Variants in SORT1 observed in about 807,000 individuals in gnomAD.
SORT1 encodes the protein sortilin 1, also known as sortilin.
Under a neutral mutation model 101.7 loss-of-function variants are expected in SORT1, and 39 were observed. The observed-to-expected ratio is 0.38, with a 90% CI of 0.30 to 0.50. The LOEUF (loss-of-function observed/expected upper bound fraction) is 0.50. SORT1 is among the 20% of genes least tolerant of loss of function. The probability of loss-of-function intolerance (pLI) is 0.90; values close to 1 mark genes in which losing one functional copy is unlikely to be tolerated. For synonymous variants in SORT1, 396 were observed against 393.7 expected (o/e 1.01, Z -0.07); for missense variants, 878 against 1,040.4 (o/e 0.84, Z 2.15).
chr1:109,367,357 T>C (rs1323060982), intron 3 of SORT1, 51 bp downstream of exon 3: 1 of 1,021,354 alleles, frequency 9.8e-7, no homozygotes, highest in South Asian at 1.4e-5. Context: ...GGAGAATCTA[T>C]ATTCTCAATG....
chr1:109,366,180 C>T (rs1379191544), intron 3 of SORT1, among the ~76,000 whole-genome samples: 2 of 152,102 alleles, frequency 1.3e-5, no homozygotes, highest in Non-Finnish European at 2.9e-5. Flanking sequence ...ACTTTTTAAC[C>T]AAGTCATACC....
intron 7 of SORT1, among the ~76,000 whole-genome samples, chr1:109,346,314 TAAAA>T (rs56298313): frequency 1.2e-5 from 1 of 86,798 alleles, no homozygotes. Context: ...CTCCGTCTCA[TAAAA>T]AAAAAAAAAA....
intron 12 of SORT1, 26 bp from the exon 13 acceptor site, chr1:109,327,186 A>G: frequency 6.4e-7 from 1 of 1,574,558 alleles, no homozygotes; most frequent in South Asian, 1.1e-5. Context: ...CCATCTCATT[A>G]GCACAAATAG....
intron 1 of SORT1, among the ~76,000 whole-genome samples, chr1:109,375,796 C>A (rs886088610): frequency 3.3e-5 from 5 of 152,062 alleles, no homozygotes; most frequent in African/African-American, 1.2e-4. Flanking sequence ...GCAAGCCAGA[C>A]AGTGGAGTAA....
chr1:109,332,713 A>G (rs945819804), intron 11 of SORT1, among the ~76,000 whole-genome samples: 8 of 152,230 alleles, frequency 5.3e-5, no homozygotes, highest in Admixed American at 5.2e-4. Context: ...ATTTCAAAAT[A>G]TATTATTGAG....
intron 9 of SORT1, 81 bp from the exon 10 acceptor site, chr1:109,340,960 C>A: frequency 9.0e-7 from 1 of 1,111,866 alleles, no homozygotes; most frequent in Non-Finnish European, 1.3e-6. Context: ...CACACGATTA[C>A]CTGCCTGACC....
intron 1 of SORT1, 133 bp downstream of exon 1, chr1:109,397,454 G>A: frequency 1.8e-6 from 1 of 563,210 alleles, no homozygotes; most frequent in Non-Finnish European, 2.3e-6. Flanking sequence ...CCGCAGTTTC[G>A]GGGCTGCGGC....
chr1:109,318,049 G>T, intron 15 of SORT1, 80 bp from the exon 16 acceptor site: 1 of 838,336 alleles, frequency 1.2e-6, no homozygotes, highest in Non-Finnish European at 2.0e-6. Flanking sequence ...GTTATGTGGG[G>T]TAGTGGATGG....
intron 3 of SORT1, 30 bp from the exon 4 acceptor site, chr1:109,355,499 G>T: frequency 1.0e-6 from 1 of 990,010 alleles, no homozygotes; most frequent in East Asian, 2.4e-5. Context: ...GGCAAATTTA[G>T]GGTGCAGTGG....
At chr1:109,373,679 G>A (rs191492928) in intron 1 of SORT1, among the ~76,000 whole-genome samples, 77 of 152,248 alleles carry the variant, frequency 5.1e-4, no homozygotes, top group African/African-American at 1.8e-3. Flanking sequence ...GACCCAAAAG[G>A]ATCAAACTGT....
chr1:109,341,551 G>A, intron 9 of SORT1, among the ~76,000 whole-genome samples: 1 of 151,994 alleles, frequency 6.6e-6, no homozygotes, highest in East Asian at 1.9e-4. Context: ...GGGTTTCACT[G>A]TGTTAGCCAT....
rs538210852 is a variant in SORT1, at chr1:109,374,103, T to A, written c.307-4514A>T. On this transcript the variant is annotated intron_variant, in intron 1 of 19. Coordinates refer to ENST00000256637, the MANE Select transcript of SORT1 (RefSeq NM_002959.7). ...GACCCTGTCTCTTAAAATAAATTTT[T>A]AAAAATAACCAGGCACGCAAAGAAG... Among the ~76,000 whole-genome samples the A allele has an allele frequency of 4.2e-4, 64 of 152,068 alleles. 1 individual carries two copies. In the South Asian group the frequency reaches 0.013, roughly 31 times the overall value.
At chr1:109,368,809 C>T (rs922150178) in intron 2 of SORT1, 4 of 152,318 alleles carry the variant, frequency 2.6e-5, no homozygotes. Flanking sequence ...CTCAACACAC[C>T]TGTAGGAAAG....
intron 15 of SORT1, 57 bp downstream of exon 15, chr1:109,322,875 T>C: frequency 1.4e-6 from 2 of 1,424,760 alleles, no homozygotes; most frequent in Non-Finnish European, 1.9e-6. Context: ...AAGAAAACTG[T>C]CTTTCACCTC....
At chr1:109,378,271 G>A (rs548634672) in intron 1 of SORT1, among the ~76,000 whole-genome samples, 2 of 152,024 alleles carry the variant, frequency 1.3e-5, no homozygotes, top group Admixed American at 1.3e-4. Flanking sequence ...GAATCTCAAG[G>A]TCAGAATAAA....
intron 11 of SORT1, among the ~76,000 whole-genome samples, chr1:109,336,002 C>A (rs916002226): frequency 6.6e-6 from 1 of 152,240 alleles, no homozygotes; most frequent in African/African-American, 2.4e-5. Context: ...TAGTGAACCA[C>A]AAATTGTTAG....
In SORT1 at chr1:109,310,643, TG is replaced by T. The variant is rs1658670688; in HGVS notation, c.*3399del. 1.3e-5 allele frequency: 2 copies of T among 152,968 alleles called. No individual in the cohort carries two copies. The highest frequency in any genetic ancestry group is 2.4e-5 in the African/African-American group (1 of 41,440). The allele number at this position is 152,968 out of a possible 1,614,324, so 9.5% of individuals were successfully genotyped here. ...TGAATATAGGGGCGAGGGGCTACAC[TG>T]ACAATGAGCAGGATGCACTCTAGGT... On this transcript the variant is annotated 3_prime_UTR_variant, in exon 20 of 20. Coordinates refer to ENST00000256637, the MANE Select transcript of SORT1 (RefSeq NM_002959.7).
chr1:109,380,047 G>A (rs1451983933), intron 1 of SORT1, among the ~76,000 whole-genome samples: 1 of 152,124 alleles, frequency 6.6e-6, no homozygotes, highest in African/African-American at 2.4e-5. Flanking sequence ...AGGCCCAGGT[G>A]GGTGGACTGC....
At chr1:109,391,270 G>A (rs1270951371) in intron 1 of SORT1, among the ~76,000 whole-genome samples, 1 of 152,158 alleles carries the variant, frequency 6.6e-6, no homozygotes, top group East Asian at 1.9e-4. Context: ...AGTTCTGGAG[G>A]TGGTAGTAAA....
Sources: gnomAD v4.1 joint callset for allele counts (sites outside exome capture counted in the v4.1 genomes callset) on GRCh38, gnomAD v4.1.1 for gene constraint, MANE v1.5 for transcripts, NCBI Gene and HGNC (gene_info 2026-07-23, HGNC 2026-07-21) for gene names.